Variants in NOS1 observed in about 807,000 individuals in gnomAD.
NOS1 encodes the protein nitric oxide synthase 1.
Under a neutral mutation model 164.5 loss-of-function variants are expected in NOS1, and 51 were observed. That is an observed-to-expected ratio of 0.31 (90% confidence interval 0.25 to 0.39). NOS1 has a LOEUF of 0.39. Among genes scored for constraint, NOS1 ranks in the 10% least tolerant of loss-of-function variants. The pLI, the probability that NOS1 is intolerant of heterozygous loss-of-function variation, is 1.00. For synonymous variants in NOS1, 719 were observed against 745.8 expected (o/e 0.96, Z 0.59); for missense variants, 1,362 against 1,885.6 (o/e 0.72, Z 5.14).
rs1481099210 is a variant in NOS1, at chr12:117,221,026, C to T, written c.3976-757G>A. On this transcript the variant is annotated intron_variant, in intron 26 of 28. Transcript: ENST00000317775. ...CCCAACCTGCCACGATGTCCTGACT[C>T]CTTCCCTGGGACCCCCAGACCTCCC... 2.6e-5 allele frequency among the ~76,000 whole-genome samples: 4 copies of T among 152,256 alleles called. No homozygotes were observed. The East Asian group carries it at 7.7e-4, about 29-fold the overall frequency.
Position 117,220,267 on chromosome 12 carries a change from C to T in NOS1, c.3978G>A (p.Lys1326=), listed in dbSNP as rs1389811469. Residue 1326 remains lysine (K), a splice_region_variant and synonymous_variant, in exon 27 of 29, where the codon AAG becomes AAA. Coordinates refer to ENST00000317775, the MANE Select transcript of NOS1 (RefSeq NM_000620.5). ...GCTCCTGCAGGATGTCCTGCACGTA[C>T]TTCTGCAAGGAGCAGAGAGCAGTGA... ...AYSREPDKPK[K]YVQDILQEQL... The T allele has an allele frequency of 2.5e-6, 4 of 1,605,350 alleles. No individual in the cohort carries two copies. The highest frequency in any genetic ancestry group is 3.4e-6 in the Non-Finnish European group (4 of 1,178,140).
intron 27 of NOS1, among the ~76,000 whole-genome samples, chr12:117,219,043 A>G (rs1231322461): frequency 1.4e-5 from 2 of 146,988 alleles, no homozygotes; most frequent in African/African-American, 5.1e-5. Flanking sequence ...CAGTGGCGTG[A>G]TCTCGGCTCA....
At chr12:117,347,503 G>T (rs941500724) in intron 1 of NOS1, among the ~76,000 whole-genome samples, 1 of 152,084 alleles carries the variant, frequency 6.6e-6, no homozygotes, top group Non-Finnish European at 1.5e-5. Flanking sequence ...AAACCCTGTG[G>T]CCCCCGTCAT....
intron 1 of NOS1, among the ~76,000 whole-genome samples, chr12:117,358,007 C>T (rs919286344): frequency 8.5e-5 from 13 of 152,224 alleles, no homozygotes; most frequent in African/African-American, 2.2e-4. Context: ...CCAGTTCTCA[C>T]GAGCACGGAT....
intron 7 of NOS1, among the ~76,000 whole-genome samples, chr12:117,283,353 C>T (rs909416284): frequency 2.0e-5 from 3 of 152,276 alleles, no homozygotes; most frequent in East Asian, 3.9e-4. Context: ...TGAGCCACAG[C>T]GCCCAGCTGC....
rs9658485 is a variant in NOS1 at position 117,234,147 on chromosome 12, C to T, written c.3235+418G>A. Among the ~76,000 whole-genome samples the T allele has an allele frequency of 2.4e-3, 362 of 152,280 alleles. 1 individual carries two copies. The highest frequency in any genetic ancestry group is 8.3e-3 in the African/African-American group (344 of 41,566). On this transcript the variant is annotated intron_variant, in intron 21 of 28. Transcript: ENST00000317775. This position sits in a 1 kb window ranked among gnomAD's most constrained non-coding sequence, Gnocchi z 4.3. Reference sequence around the variant, plus strand: ...GTGGGCTCAATCCCTAGTTGGCCATCGAGCTTCCTATAGTACCTTTTGATT... The same window carrying T: ...GTGGGCTCAATCCCTAGTTGGCCATTGAGCTTCCTATAGTACCTTTTGATT...
Position 117,210,318 on chromosome 12 carries a change from A to G in NOS1, c.*4991T>C, listed in dbSNP as rs1956508194. 2.1e-5 allele frequency: 21 copies of G among 985,122 alleles called. No homozygotes were observed. The highest frequency in any genetic ancestry group is 2.5e-5 in the Non-Finnish European group (21 of 829,932). The allele number at this position is 985,122 out of a possible 1,614,324, so 61.0% of individuals were successfully genotyped here. A position where few individuals can be genotyped will look rare whatever the true frequency, so the allele number is the denominator to read the frequency against. ...AGAGGACATTTGGATGCAGGAGACT[A>G]TGAAGGTTGGGGACAGCCAGAGAGT... On this transcript the variant is annotated 3_prime_UTR_variant, in exon 29 of 29. Coordinates refer to ENST00000317775, the MANE Select transcript of NOS1 (RefSeq NM_000620.5).
At chr12:117,281,117 A>C (rs985905567) in intron 7 of NOS1, among the ~76,000 whole-genome samples, 3 of 152,138 alleles carry the variant, frequency 2.0e-5, no homozygotes, top group African/African-American at 7.2e-5. Flanking sequence ...GAAGGAAAGA[A>C]TCTCTTTCTA....
At chr12:117,312,396 G>C (rs2136056137) in intron 2 of NOS1, among the ~76,000 whole-genome samples, 1 of 151,964 alleles carries the variant, frequency 6.6e-6, no homozygotes, top group Middle Eastern at 3.4e-3. Flanking sequence ...TAACTCTTGT[G>C]ACAACCCTTT....
intron 27 of NOS1, among the ~76,000 whole-genome samples, chr12:117,218,578 G>A (rs192727292): frequency 7.9e-5 from 12 of 152,226 alleles, no homozygotes; most frequent in African/African-American, 2.4e-4. Flanking sequence ...CCAGAAGAAA[G>A]GGGAGGAAGG....
In NOS1 at chr12:117,208,194, T is replaced by TTTG. The variant is rs1462217043; in HGVS notation, c.*7112_*7114dup. The TTTG allele has an allele frequency of 1.9e-6, 2 of 1,044,866 alleles. No homozygotes were observed. The highest frequency in any genetic ancestry group is 3.4e-5 in the African/African-American group (2 of 58,738). 64.7% of individuals were successfully genotyped at this position (1,044,866 alleles called of 1,614,324 possible). A position where few individuals can be genotyped will look rare whatever the true frequency, so the allele number is the denominator to read the frequency against. On this transcript the variant is annotated 3_prime_UTR_variant, in exon 29 of 29. Transcript: ENST00000317775. ...ATAATGCAAACAAGCATAATAGGCTTTTGTTGAATCCCATAAAATTGGAAG... is the reference window on the plus strand; with the variant it reads ...ATAATGCAAACAAGCATAATAGGCTTTTGTTGTTGAATCCCATAAAATTGGAAG...
chr12:117,239,387 G>T (rs561040344), intron 20 of NOS1, among the ~76,000 whole-genome samples: 10 of 152,170 alleles, frequency 6.6e-5, no homozygotes, highest in Non-Finnish European at 2.9e-5. Flanking sequence ...CTGACTTCTA[G>T]AACTTAGTGT....
In NOS1 at chr12:117,225,085, C is replaced by T; in HGVS notation, c.3757G>A (p.Gly1253Arg). Residue 1253 changes from glycine to arginine, a missense_variant, in exon 25 of 29, where the codon GGA becomes AGA. Transcript: ENST00000317775. ...RNPQVPCILVGPGTGIAPFRS... is the reference protein window; with the variant it reads ...RNPQVPCILVRPGTGIAPFRS... ...AAAGGGGCAATGCCGGTGCCTGGTCCAACGAGGATGCAGGGGACTTGGGGG... is the reference window on the plus strand; with the variant it reads ...AAAGGGGCAATGCCGGTGCCTGGTCTAACGAGGATGCAGGGGACTTGGGGG... 1 of 1,614,128 alleles carries T rather than the reference C, an allele frequency of 6.2e-7. No individual in the cohort carries two copies. The highest frequency in any genetic ancestry group is 8.5e-7 in the Non-Finnish European group (1 of 1,180,000).
chr12:117,279,464 C>A (rs1873457087), intron 8 of NOS1, among the ~76,000 whole-genome samples: 1 of 152,160 alleles, frequency 6.6e-6, no homozygotes, highest in Admixed American at 6.5e-5. Context: ...TGTATATTTT[C>A]TCTTATGGCA....
intron 8 of NOS1, 123 bp downstream of exon 8, chr12:117,280,602 G>A (rs1873560820): frequency 1.0e-6 from 1 of 999,608 alleles, no homozygotes. Context: ...AGCAGGTTTG[G>A]AGAAGAGTAA....
At chr12:117,283,067 T>C (rs1256913871) in intron 7 of NOS1, among the ~76,000 whole-genome samples, 2 of 146,828 alleles carry the variant, frequency 1.4e-5, no homozygotes, top group Admixed American at 6.8e-5. Context: ...TTTTTTTTTT[T>C]TTTTTTGAGA....
At chr12:117,306,839 C>T (rs1268425915) in intron 3 of NOS1, among the ~76,000 whole-genome samples, 1 of 152,184 alleles carries the variant, frequency 6.6e-6, no homozygotes, top group African/African-American at 2.4e-5. Context: ...AGGCTGGTCT[C>T]AAACTCCTGA....
At chr12:117,256,854 C>A (rs1227854719) in intron 16 of NOS1, among the ~76,000 whole-genome samples, 1 of 151,528 alleles carries the variant, frequency 6.6e-6, no homozygotes, top group Non-Finnish European at 1.5e-5. Context: ...GGCAGATCAC[C>A]TGAGGTCAGG....
Position 117,360,044 on chromosome 12 carries a change from C to T in NOS1, c.-421+1468G>A, listed in dbSNP as rs547860366. On this transcript the variant is annotated intron_variant, in intron 1 of 28. Coordinates refer to ENST00000317775, the MANE Select transcript of NOS1 (RefSeq NM_000620.5). ...CGAAAAAGGTAGTTTCTCCATTTTA[C>T]AGATGAGAAACTGAGGCTGGGAAAG... Among the ~76,000 whole-genome samples the T allele has an allele frequency of 2.1e-4, 31 of 150,192 alleles. No individual in the cohort carries two copies. In the South Asian group the frequency reaches 4.0e-3, roughly 19 times the overall value.
Sources: allele counts gnomAD v4.1 joint callset (sites outside exome capture counted in the v4.1 genomes callset), GRCh38; gene constraint gnomAD v4.1.1; non-coding constraint Gnocchi (gnomAD v3.1); transcripts MANE v1.5; gene names NCBI Gene and HGNC (gene_info 2026-07-23, HGNC 2026-07-21).